Variants in DPP6 observed in about 807,000 individuals in gnomAD.
DPP6 encodes dipeptidyl peptidase like 6, also known as A-type potassium channel modulatory protein DPP6.
In DPP6, 69 loss-of-function variants were observed where a neutral mutation model predicts 122.6. The ratio of observed to expected loss-of-function variants is 0.56; its 90% confidence interval spans 0.46 to 0.69. DPP6 has a LOEUF of 0.69. Among genes scored for constraint, DPP6 ranks in the 30% least tolerant of loss-of-function variants. The probability of loss-of-function intolerance (pLI) is 0.00; values close to 1 mark genes in which losing one functional copy is unlikely to be tolerated. For missense variants in DPP6, 928 were observed against 1,116.9 expected, an observed-to-expected ratio of 0.83 and a Z score of 2.41; for synonymous variants, 418 against 433.1, an observed-to-expected ratio of 0.97 and a Z score of 0.43.
intron 21 of DPP6, among the ~76,000 whole-genome samples, chr7:154,882,493 G>A (rs964408910): frequency 5.9e-5 from 9 of 152,168 alleles, no homozygotes; most frequent in African/African-American, 2.2e-4. Context: ...TTGGCATGTT[G>A]CGGCCTGTCC....
At chr7:154,191,701 G>A (rs947516353) in intron 1 of DPP6, among the ~76,000 whole-genome samples, 4 of 152,116 alleles carry the variant, frequency 2.6e-5, no homozygotes, top group Admixed American at 6.5e-5. Flanking sequence ...TTAGGAATGC[G>A]TCGAGTCTGT....
At chr7:154,488,401 A>T (rs552422472) in intron 3 of DPP6, among the ~76,000 whole-genome samples, 1 of 151,846 alleles carries the variant, frequency 6.6e-6, no homozygotes, top group African/African-American at 2.4e-5. Flanking sequence ...GTGAGCCAAG[A>T]TTGCGTCACT....
intron 3 of DPP6, among the ~76,000 whole-genome samples, chr7:154,534,841 GT>G (rs1828108825): frequency 6.6e-6 from 1 of 152,064 alleles, no homozygotes; most frequent in Admixed American, 6.6e-5. Flanking sequence ...CCAAATACTT[GT>G]TTGATGAAAT....
At chr7:154,401,725 A>G (rs1435067059) in intron 1 of DPP6, among the ~76,000 whole-genome samples, 1 of 152,260 alleles carries the variant, frequency 6.6e-6, no homozygotes, top group African/African-American at 2.4e-5. Flanking sequence ...AGCAATGGCA[A>G]CCAAAGCCAA....
At chr7:154,495,389 GTT>G (rs34693163) in intron 3 of DPP6, among the ~76,000 whole-genome samples, 49,681 of 148,236 alleles carry the variant, frequency 0.34, 8,430 homozygotes, top group Admixed American at 0.38. Context: ...GTTTGTTGTG[GTT>G]TTTTTTTTTT....
At chr7:154,759,515 C>T (rs181394077) in intron 8 of DPP6, among the ~76,000 whole-genome samples, 238 of 152,360 alleles carry the variant, frequency 1.6e-3, no homozygotes, top group Admixed American at 3.2e-3. Context: ...GGCCACTGTG[C>T]GGTCTTTCCT....
chr7:154,631,031 T>C (rs1192813759), intron 5 of DPP6, among the ~76,000 whole-genome samples: 1 of 152,232 alleles, frequency 6.6e-6, no homozygotes, highest in Non-Finnish European at 1.5e-5. Flanking sequence ...GGTTAAAGTT[T>C]GGCATAAAAA....
intron 1 of DPP6, among the ~76,000 whole-genome samples, chr7:154,385,230 A>AT (rs201900342): frequency 1.3e-5 from 2 of 151,632 alleles, no homozygotes; most frequent in African/African-American, 4.9e-5. Flanking sequence ...CGGCCTCCCA[A>AT]TTTTTTTTCT....
intron 21 of DPP6, among the ~76,000 whole-genome samples, chr7:154,883,357 C>CAT (rs1805603298): frequency 6.7e-6 from 1 of 149,986 alleles, no homozygotes; most frequent in Non-Finnish European, 1.5e-5. Flanking sequence ...CATACACACA[C>CAT]ATGCTCACAC....
chr7:153,951,848 G>A (rs1037363481), intron 1 of DPP6, among the ~76,000 whole-genome samples: 11 of 152,056 alleles, frequency 7.2e-5, no homozygotes, highest in African/African-American at 2.7e-4. Context: ...TTCAATACCA[G>A]CCTGGTCAAC....
At chr7:154,115,523 C>T (rs1454566337) in intron 1 of DPP6, among the ~76,000 whole-genome samples, 7 of 152,200 alleles carry the variant, frequency 4.6e-5, no homozygotes, top group Non-Finnish European at 1.0e-4. Context: ...AAGCCCAGTG[C>T]AGATTGGCTT....
chr7:154,637,528 G>A (rs1156489774), intron 5 of DPP6, among the ~76,000 whole-genome samples: 1 of 152,190 alleles, frequency 6.6e-6, no homozygotes, highest in Non-Finnish European at 1.5e-5. Flanking sequence ...CATTAGTTCT[G>A]TGCTATATTT....
At chr7:154,123,571 G>A (rs1444670718) in intron 1 of DPP6, among the ~76,000 whole-genome samples, 1 of 152,078 alleles carries the variant, frequency 6.6e-6, no homozygotes, top group Non-Finnish European at 1.5e-5. Context: ...CAAACATCAG[G>A]GTTAGACTGG....
intron 1 of DPP6, among the ~76,000 whole-genome samples, chr7:154,264,099 A>G (rs1296580276): frequency 1.3e-5 from 2 of 152,164 alleles, no homozygotes; most frequent in African/African-American, 4.8e-5. Context: ...CTCTTCTTTA[A>G]CACAATTAAA....
chr7:154,001,845 G>A (rs1797705850), intron 1 of DPP6, among the ~76,000 whole-genome samples: 1 of 152,080 alleles, frequency 6.6e-6, no homozygotes, highest in East Asian at 1.9e-4. Context: ...TTCCCCTAGT[G>A]GAGTGAAAAC....
intron 1 of DPP6, among the ~76,000 whole-genome samples, chr7:154,043,261 C>T (rs145795319): frequency 0.1 from 15,858 of 151,360 alleles, 927 homozygotes; most frequent in Middle Eastern, 0.16. Context: ...GCTCTGGTGG[C>T]GCATGCCTGT....
At chr7:154,010,274 A>G (rs1462472231) in intron 1 of DPP6, among the ~76,000 whole-genome samples, 1 of 152,366 alleles carries the variant, frequency 6.6e-6, no homozygotes, top group South Asian at 2.1e-4. Flanking sequence ...CTCAGCAAAC[A>G]TGTGCATACG....
chr7:154,870,596 A>T (rs1438740068), intron 18 of DPP6, among the ~76,000 whole-genome samples: 1 of 152,080 alleles, frequency 6.6e-6, no homozygotes, highest in Non-Finnish European at 1.5e-5. Context: ...ATAGAGTGAG[A>T]CTTTGTCTCA....
intron 1 of DPP6, among the ~76,000 whole-genome samples, chr7:154,301,435 A>G (rs1295357797): frequency 6.6e-6 from 1 of 152,072 alleles, no homozygotes. Context: ...TGAAAACCAT[A>G]ATACTTATAG....
Sources: gnomAD v4.1 joint callset for allele counts (sites outside exome capture counted in the v4.1 genomes callset) on GRCh38, gnomAD v4.1.1 for gene constraint, MANE v1.5 for transcripts, NCBI Gene and HGNC (gene_info 2026-07-23, HGNC 2026-07-21) for gene names.